Variants in THSD7A observed in about 807,000 individuals in gnomAD.
THSD7A encodes the protein thrombospondin type 1 domain containing 7A.
Under a neutral mutation model 231.3 loss-of-function variants are expected in THSD7A, and 96 were observed. The observed-to-expected ratio is 0.41, with a 90% CI of 0.35 to 0.49. The LOEUF is 0.49. Among genes scored for constraint, THSD7A ranks in the 20% least tolerant of loss-of-function variants. The pLI is 0.05. For missense variants in THSD7A, 2,290 were observed against 2,070.2 expected, an observed-to-expected ratio of 1.11 and a Z score of -2.06; for synonymous variants, 940 against 743.3, an observed-to-expected ratio of 1.26 and a Z score of -4.30.
chr7:11,587,964 C>G (rs998214829), intron 4 of THSD7A, among the ~76,000 whole-genome samples: 4 of 152,108 alleles, frequency 2.6e-5, no homozygotes, highest in African/African-American at 9.7e-5. Flanking sequence ...CTAGAGAACA[C>G]ATGGTGTGAA....
chr7:11,434,754 G>A (rs768929787), intron 13 of THSD7A, among the ~76,000 whole-genome samples: 1 of 150,246 alleles, frequency 6.7e-6, no homozygotes, highest in Non-Finnish European at 1.5e-5. Context: ...TCACAGGCTG[G>A]AAAAAGTTGA....
intron 1 of THSD7A, among the ~76,000 whole-genome samples, chr7:11,645,615 T>G (rs971561151): frequency 2.0e-5 from 3 of 151,840 alleles, no homozygotes; most frequent in Non-Finnish European, 4.4e-5. Flanking sequence ...TACTTATGAT[T>G]TAAAGGTACC....
intron 9 of THSD7A, among the ~76,000 whole-genome samples, chr7:11,462,524 C>A (rs2128298661): frequency 6.6e-6 from 1 of 152,282 alleles, no homozygotes; most frequent in South Asian, 2.1e-4. Flanking sequence ...CTGTTTATCA[C>A]ATGGGACTCA....
intron 1 of THSD7A, among the ~76,000 whole-genome samples, chr7:11,813,272 G>A (rs116163221): frequency 6.6e-6 from 1 of 152,010 alleles, no homozygotes; most frequent in Non-Finnish European, 1.5e-5. Context: ...CTTCCTAAAT[G>A]CACTTTTATT....
At chr7:11,423,963 T>C (rs960323499) in intron 16 of THSD7A, among the ~76,000 whole-genome samples, 1 of 152,184 alleles carries the variant, frequency 6.6e-6, no homozygotes, top group African/African-American at 2.4e-5. Flanking sequence ...AGAAATTTTA[T>C]AAAGTTTTAT....
intron 2 of THSD7A, among the ~76,000 whole-genome samples, chr7:11,633,970 AT>A (rs1457122093): frequency 6.6e-6 from 1 of 152,120 alleles, no homozygotes; most frequent in East Asian, 1.9e-4. Flanking sequence ...TAAGTTCTTG[AT>A]TTGTGGCCCT....
intron 1 of THSD7A, among the ~76,000 whole-genome samples, chr7:11,780,997 CA>C (rs58931693): frequency 3.1e-3 from 105 of 34,414 alleles, no homozygotes; most frequent in Non-Finnish European, 4.0e-3. Flanking sequence ...GACTCCGTCT[CA>C]AAAAAAAAAA....
At chr7:11,811,971 G>T (rs748479230) in intron 1 of THSD7A, among the ~76,000 whole-genome samples, 2 of 152,090 alleles carry the variant, frequency 1.3e-5, no homozygotes, top group African/African-American at 4.8e-5. Flanking sequence ...AAAGTATACT[G>T]CAATATTGTA....
chr7:11,428,134 A>G (rs1261216686), intron 14 of THSD7A, among the ~76,000 whole-genome samples: 1 of 152,192 alleles, frequency 6.6e-6, no homozygotes, highest in Non-Finnish European at 1.5e-5. Context: ...GTATGTATGA[A>G]ACAATTCTAC....
At chr7:11,395,854 T>C (rs561014796) in intron 23 of THSD7A, among the ~76,000 whole-genome samples, 2 of 152,082 alleles carry the variant, frequency 1.3e-5, no homozygotes, top group South Asian at 2.1e-4. Flanking sequence ...CAGCACCACA[T>C]TGCATTTTTT....
At chr7:11,640,867 A>G (rs964468910) in intron 1 of THSD7A, among the ~76,000 whole-genome samples, 2 of 152,104 alleles carry the variant, frequency 1.3e-5, no homozygotes, top group Non-Finnish European at 2.9e-5. Context: ...CCCACTTTAT[A>G]AAAAATAAAA....
At chr7:11,420,954 A>T (rs1240457114) in intron 16 of THSD7A, among the ~76,000 whole-genome samples, 1 of 152,180 alleles carries the variant, frequency 6.6e-6, no homozygotes, top group African/African-American at 2.4e-5. Flanking sequence ...GTTTTGGCGA[A>T]TATCTCCCAT....
chr7:11,677,487 A>C (rs1783685342), intron 1 of THSD7A, among the ~76,000 whole-genome samples: 1 of 149,268 alleles, frequency 6.7e-6, no homozygotes, highest in East Asian at 2.0e-4. Flanking sequence ...GTCAAGACCC[A>C]TCAGTGTGCT....
intron 23 of THSD7A, among the ~76,000 whole-genome samples, chr7:11,397,949 G>T (rs1255702261): frequency 6.6e-6 from 1 of 152,190 alleles, no homozygotes; most frequent in Non-Finnish European, 1.5e-5. Flanking sequence ...TACACTGTTG[G>T]TGGGACTGTA....
chr7:11,379,189 A>G lies in THSD7A; in HGVS notation c.4682T>C (p.Leu1561Ser). ...TCCTCTTTTGTCCTCCATGGTGGGT[A>G]ATACCACCACGGGGATAAGTGTGCA... ...EQCTLIPVVV[L>S]PTMEDKRGDV... Residue 1561 changes from leucine (L) to serine (S), a missense_variant, in exon 26 of 28, where the codon TTA becomes TCA. Coordinates refer to ENST00000423059, the MANE Select transcript of THSD7A (RefSeq NM_015204.3). 1.2e-6 allele frequency: 2 copies of G among 1,613,528 alleles called. No individual in the cohort carries two copies. Among genetic ancestry groups the G allele is most frequent in the Non-Finnish European group, 8.5e-7 (1 of 1,179,568 alleles).
intron 1 of THSD7A, among the ~76,000 whole-genome samples, chr7:11,649,103 G>T (rs2128367642): frequency 6.6e-6 from 1 of 152,132 alleles, no homozygotes; most frequent in South Asian, 2.1e-4. Context: ...GATTATGAAA[G>T]ATATGTGGCT....
chr7:11,812,586 G>T (rs982209286), intron 1 of THSD7A, among the ~76,000 whole-genome samples: 2 of 152,038 alleles, frequency 1.3e-5, no homozygotes, highest in Non-Finnish European at 2.9e-5. Context: ...TTCAAAACAC[G>T]TCTGTAATCA....
intron 27 of THSD7A, among the ~76,000 whole-genome samples, 171 bp downstream of exon 27, chr7:11,376,399 C>A (rs978868669): frequency 2.6e-5 from 4 of 152,030 alleles, no homozygotes; most frequent in Admixed American, 2.0e-4. Flanking sequence ...TCTTTAGAAA[C>A]GAAATGGCTC....
intron 1 of THSD7A, among the ~76,000 whole-genome samples, chr7:11,709,141 C>T (rs891727696): frequency 2.0e-5 from 3 of 150,522 alleles, no homozygotes; most frequent in East Asian, 2.0e-4. Flanking sequence ...ACAAGGCTAT[C>T]GAGTTTCTTA....
Sources: allele counts gnomAD v4.1 joint callset (sites outside exome capture counted in the v4.1 genomes callset), GRCh38; gene constraint gnomAD v4.1.1; transcripts MANE v1.5; gene names NCBI Gene and HGNC (gene_info 2026-07-23, HGNC 2026-07-21).